MYO10: variants seen among roughly 807,000 people sequenced by gnomAD.
The protein encoded by MYO10 is unconventional myosin-X.
In MYO10, 133 loss-of-function variants were observed where a neutral mutation model predicts 257.3. That is an observed-to-expected ratio of 0.52 (90% CI 0.45 to 0.60). The LOEUF (loss-of-function observed/expected upper bound fraction) is 0.60, where lower values mean the gene tolerates loss of function less well. MYO10 is among the 20% of genes least tolerant of loss of function. The pLI is 0.00. For missense variants in MYO10, 2,399 were observed against 2,635.7 expected, an observed-to-expected ratio of 0.91 and a Z score of 1.97; for synonymous variants, 1,104 against 1,028.6, an observed-to-expected ratio of 1.07 and a Z score of -1.40.
At chr5:16,911,093 A>G (rs944462587) in intron 1 of MYO10, among the ~76,000 whole-genome samples, 1 of 152,206 alleles carries the variant, frequency 6.6e-6, no homozygotes, top group African/African-American at 2.4e-5. Flanking sequence ...ACTTGAGGCC[A>G]GGAGTGTGAG....
rs56053669 is a variant in MYO10, at chr5:16,921,132, GATAAA to G, written c.21+14651_21+14655del. Among the ~76,000 whole-genome samples the G allele has an allele frequency of 5.3e-3, 795 of 149,210 alleles. 7 individuals are homozygous for G. Among genetic ancestry groups the G allele is most frequent in the African/African-American group, 0.018 (733 of 40,432 alleles). Reference sequence around the variant, plus strand: ...TACTCCATCTCAAAAAATAACATAAGATAAAATAAAATAAAATAAAATAAACGTAT... The same window carrying G: ...TACTCCATCTCAAAAAATAACATAAGATAAAATAAAATAAAATAAACGTAT... On this transcript the variant is annotated intron_variant, in intron 1 of 40. Transcript: ENST00000513610.
rs1013156292 is a variant in MYO10 at position 16,664,314 on chromosome 5, G to A, written c.*2378C>T. The stretch of plus-strand genomic sequence containing the variant: ...TATTTCCCCATCTATAATTGAGGGC[G>A]GGCGACAGCCTTCCAGAGTAAATTA... On this transcript the variant is annotated 3_prime_UTR_variant, in exon 41 of 41. Coordinates refer to ENST00000513610, the MANE Select transcript of MYO10 (RefSeq NM_012334.3). The A allele has an allele frequency of 6.6e-6, 1 of 152,204 alleles. No homozygotes were observed. The highest frequency in any genetic ancestry group is 1.9e-4 in the East Asian group (1 of 5,198). The allele number at this position is 152,204 out of a possible 1,614,324, so 9.4% of individuals were successfully genotyped here.
At chr5:16,690,538 G>A (rs1421895383) in intron 27 of MYO10, among the ~76,000 whole-genome samples, 1 of 152,130 alleles carries the variant, frequency 6.6e-6, no homozygotes, top group Non-Finnish European at 1.5e-5. Context: ...ACACTGGTCT[G>A]CCCAATGCCC....
intron 2 of MYO10, among the ~76,000 whole-genome samples, chr5:16,854,363 G>A (rs1648589458): frequency 6.6e-6 from 1 of 152,040 alleles, no homozygotes; most frequent in Non-Finnish European, 1.5e-5. Flanking sequence ...CTATTACTCT[G>A]CAATAAAAAA....
chr5:16,792,756 C>T (rs1445936292), intron 4 of MYO10, among the ~76,000 whole-genome samples: 2 of 152,308 alleles, frequency 1.3e-5, no homozygotes, highest in East Asian at 3.9e-4. Flanking sequence ...GCAGTGCTCA[C>T]AGGCCCACTT....
At chr5:16,738,282 G>A (rs1184917871) in intron 19 of MYO10, 1 of 985,430 alleles carries the variant, frequency 1.0e-6, no homozygotes, top group Non-Finnish European at 1.2e-6. Flanking sequence ...GGAAGGAGGG[G>A]TGGTTAGCAG....
At chr5:16,758,985 G>C (rs913127904) in intron 17 of MYO10, among the ~76,000 whole-genome samples, 1 of 151,834 alleles carries the variant, frequency 6.6e-6, no homozygotes, top group East Asian at 1.9e-4. Flanking sequence ...GCAGTGGTGC[G>C]ATCTCGGCTC....
chr5:16,754,871 G>A lies in MYO10; in HGVS notation c.1886C>T (p.Ser629Phe). The change falls in exon 19 of 41, where the codon TCT (serine) becomes TTT (phenylalanine). Residue 629 changes from serine (S) to phenylalanine (F), a missense_variant. By Grantham distance (155) the Ser-to-Phe change is radical. This residue lies in a region of MYO10 where 1,820 missense variants were observed against 1,939.4 expected (regional missense o/e 0.94). Coordinates refer to ENST00000513610, the MANE Select transcript of MYO10 (RefSeq NM_012334.3). ...LHSLMATLSSSNPFFVRCIKP... is the reference protein window; with the variant it reads ...LHSLMATLSSFNPFFVRCIKP... ...GATACAGCGAACAAAGAAAGGATTA[G>A]AGGAGCTTAGCGTTGCCATTAAGGA... 2 of 1,604,370 alleles carry A rather than the reference G, an allele frequency of 1.2e-6. No individual in the cohort carries two copies. The highest frequency in any genetic ancestry group is 1.7e-6 in the Non-Finnish European group (2 of 1,173,904).
chr5:16,754,413 T>A (rs1168927049), intron 19 of MYO10, among the ~76,000 whole-genome samples: 1 of 151,908 alleles, frequency 6.6e-6, no homozygotes, highest in Non-Finnish European at 1.5e-5. Context: ...AGCCTCTTCA[T>A]CGTGTTTAAA....
At chr5:16,802,929 T>G (rs1038841189) in intron 3 of MYO10, among the ~76,000 whole-genome samples, 1 of 143,984 alleles carries the variant, frequency 6.9e-6, no homozygotes, top group African/African-American at 2.6e-5. Context: ...CACAGTGAGA[T>G]CCTCTCTCTC....
intron 19 of MYO10, among the ~76,000 whole-genome samples, chr5:16,751,854 T>A (rs1460484676): frequency 6.6e-6 from 1 of 152,298 alleles, no homozygotes; most frequent in East Asian, 1.9e-4. Flanking sequence ...GCGTTATTAA[T>A]TAGTGTCTGC....
intron 3 of MYO10, among the ~76,000 whole-genome samples, chr5:16,801,618 A>AC (rs1239234688): frequency 6.6e-6 from 1 of 152,180 alleles, no homozygotes; most frequent in African/African-American, 2.4e-5. Context: ...TTCTGAAAAG[A>AC]AAAAATTCAT....
intron 19 of MYO10, among the ~76,000 whole-genome samples, chr5:16,733,508 T>A (rs190399633): frequency 1.3e-5 from 2 of 152,360 alleles, no homozygotes; most frequent in Admixed American, 6.5e-5. Flanking sequence ...TGCTCTGAGA[T>A]AAATGGTAAT....
chr5:16,818,475 TACTC>T (rs1227751593), intron 2 of MYO10, among the ~76,000 whole-genome samples: 1 of 151,066 alleles, frequency 6.6e-6, no homozygotes, highest in Non-Finnish European at 1.5e-5. Flanking sequence ...TTCACTCTGT[TACTC>T]AGGCTGGAGT....
At chr5:16,885,353 A>T (rs1443584365) in intron 1 of MYO10, among the ~76,000 whole-genome samples, 2 of 152,160 alleles carry the variant, frequency 1.3e-5, no homozygotes, top group African/African-American at 4.8e-5. Flanking sequence ...CCATGTGCAG[A>T]TAAGAATGGA....
intron 1 of MYO10, among the ~76,000 whole-genome samples, chr5:16,933,573 CCAAA>C (rs1242783164): frequency 1.3e-5 from 2 of 152,178 alleles, no homozygotes; most frequent in East Asian, 3.8e-4. Flanking sequence ...GATAAGGAGG[CCAAA>C]CAATTTAGCT....
chr5:16,700,988 A>C lies in MYO10; in HGVS notation c.3407T>G (p.Phe1136Cys). The change falls in exon 25 of 41, where the codon TTC becomes TGC. Residue 1136 changes from phenylalanine (F) to cysteine (C), a missense_variant. Transcript: ENST00000513610. ...CGAGGACTGCGCCCCCTCAGAGCTG[A>C]ACCGGTAGGCACCCGAGCTGTTGTA... ...GTYNSSGAYR[F>C]SSEGAQSSFE... is the part of the protein sequence containing the mutation. 6.4e-7 allele frequency: 1 copy of C among 1,559,264 alleles called. No homozygotes were observed.
chr5:16,762,895 C>T (rs1174177251), intron 14 of MYO10, among the ~76,000 whole-genome samples: 3 of 148,504 alleles, frequency 2.0e-5, no homozygotes, highest in African/African-American at 5.0e-5. Context: ...ACCTGGGAGA[C>T]GGAGGTTGCA....
At chr5:16,692,933 C>A (rs1737572821) in intron 27 of MYO10, among the ~76,000 whole-genome samples, 1 of 152,168 alleles carries the variant, frequency 6.6e-6, no homozygotes, top group Non-Finnish European at 1.5e-5. Context: ...AAATTCAATA[C>A]TATGCCTCCC....
Sources: gnomAD v4.1 joint callset for allele counts (sites outside exome capture counted in the v4.1 genomes callset) on GRCh38, gnomAD v4.1.1 for gene constraint, gnomAD v4.1.1 regional missense constraint, MANE v1.5 for transcripts, NCBI Gene and HGNC (gene_info 2026-07-23, HGNC 2026-07-21) for gene names.